Variants in NCAPH2 observed in about 807,000 individuals in gnomAD.
NCAPH2 encodes the protein non-SMC condensin II complex subunit H2.
Under a neutral mutation model 88.6 loss-of-function variants are expected in NCAPH2, and 56 were observed. That is an observed-to-expected ratio of 0.63 (90% confidence interval 0.51 to 0.79). NCAPH2 has a LOEUF of 0.79. Ranked by LOEUF, NCAPH2 falls within the 30% of genes least tolerant of loss-of-function variation. NCAPH2 has a pLI of 0.00. For missense variants in NCAPH2, 794 were observed against 792.0 expected (o/e 1.00, Z -0.03); for synonymous variants, 378 against 313.6 (o/e 1.21, Z -2.17).
At chr22:50,522,785 C>T (rs754809948) in intron 17 of NCAPH2, 36 bp from the exon 18 acceptor site, 17 of 1,612,508 alleles carry the variant, frequency 1.1e-5, no homozygotes, top group Non-Finnish European at 1.4e-5. Context: ...CAGGCCCCTG[C>T]TTGGGAGGCA....
chr22:50,517,136 A>G (rs935071592), intron 2 of NCAPH2, among the ~76,000 whole-genome samples: 20 of 152,220 alleles, frequency 1.3e-4, no homozygotes, highest in African/African-American at 4.6e-4. Context: ...GATGAGGCAC[A>G]CTGTGGGAAC....
chr22:50,519,971 C>T (rs2069040844), intron 9 of NCAPH2, among the ~76,000 whole-genome samples: 1 of 151,952 alleles, frequency 6.6e-6, no homozygotes, highest in South Asian at 2.1e-4. Context: ...CCCGGGTTCA[C>T]GCCATTCTCC....
Position 50,524,744 on chromosome 22 carries a change from C to T in NCAPH2, c.*1369C>T, listed in dbSNP as rs1002867388. The T allele has an allele frequency of 9.3e-6, 5 of 536,430 alleles. No individual in the cohort carries two copies. Among genetic ancestry groups the T allele is most frequent in the Non-Finnish European group, 1.8e-5 (5 of 272,328 alleles). The allele number at this position is 536,430 out of a possible 1,614,324, so 33.2% of individuals were successfully genotyped here. A position where few individuals can be genotyped will look rare whatever the true frequency, so the allele number is the denominator to read the frequency against. ...GTGCATGCCTTGCCTGAACTAACCA[C>T]GTTATCTATTTGCAATAAACCCATT... On this transcript the variant is annotated 3_prime_UTR_variant, in exon 20 of 20. Transcript: ENST00000420993.
rs929467108 is a variant in NCAPH2 at position 50,523,494 on chromosome 22, T to G, written c.*119T>G. 3.3e-6 allele frequency: 5 copies of G among 1,537,548 alleles called. No individual in the cohort carries two copies. The South Asian group carries it at 5.9e-5, about 18-fold the overall frequency. ...CTCATCTTCCCCCTAAAAACCCTTT[T>G]ATGTACACCTGCGCAGAGAAGAGGG... On this transcript the variant is annotated 3_prime_UTR_variant, in exon 20 of 20. Coordinates refer to ENST00000420993, the MANE Select transcript of NCAPH2 (RefSeq NM_152299.4).
chr22:50,508,713 T>C (rs2148653055), intron 1 of NCAPH2, among the ~76,000 whole-genome samples: 1 of 152,372 alleles, frequency 6.6e-6, no homozygotes, highest in East Asian at 1.9e-4. Flanking sequence ...TGACCAGCCG[T>C]TTCTCTAACG....
At chr22:50,519,421 G>C (rs2148664086) in intron 9 of NCAPH2, 101 bp downstream of exon 9, 1 of 1,510,144 alleles carries the variant, frequency 6.6e-7, no homozygotes, top group Non-Finnish European at 8.8e-7. Context: ...GTATGGCCTT[G>C]GCCCCAGACC....
chr22:50,511,276 C>T (rs1462147489), intron 1 of NCAPH2, among the ~76,000 whole-genome samples: 12 of 147,596 alleles, frequency 8.1e-5, no homozygotes, highest in Non-Finnish European at 1.3e-4. Flanking sequence ...AGTTCTCCTG[C>T]CTCAGCCTCT....
At chr22:50,515,471 A>G (rs2068889653) in intron 1 of NCAPH2, among the ~76,000 whole-genome samples, 2 of 152,182 alleles carry the variant, frequency 1.3e-5, no homozygotes, top group African/African-American at 4.8e-5. Flanking sequence ...ATCTCGGCTC[A>G]CTGCAAGCTC....
chr22:50,522,159 C>T, intron 13 of NCAPH2, 22 bp from the exon 14 acceptor site: 2 of 1,611,880 alleles, frequency 1.2e-6, no homozygotes, highest in South Asian at 1.1e-5. Flanking sequence ...CGAGGGAGCC[C>T]TCACAAGGCC....
chr22:50,511,803 G>A (rs775759595), intron 1 of NCAPH2, among the ~76,000 whole-genome samples: 78 of 151,338 alleles, frequency 5.2e-4, no homozygotes, highest in Admixed American at 1.1e-3. Context: ...CCGCCACCAC[G>A]CCTGGCTAAT....
chr22:50,519,993 C>G (rs912989224), intron 9 of NCAPH2, among the ~76,000 whole-genome samples: 4 of 152,124 alleles, frequency 2.6e-5, no homozygotes, highest in African/African-American at 9.7e-5. Context: ...CCCTCAGCCT[C>G]CCAAGTAGCT....
chr22:50,522,826 C>T lies in NCAPH2; in HGVS notation c.1431C>T (p.Leu477=), dbSNP rs1451725501. Residue 477 remains leucine, a synonymous_variant, in exon 18 of 20, where the codon CTC becomes CTT. Transcript: ENST00000420993. The part of the protein sequence containing the change: ...YEELVRRNVE[L]FIATSQKFVQ... The stretch of plus-strand genomic sequence containing the variant: ...TCCTGCTGATCCTCCCCTAGGAGCT[C>T]TTCATCGCCACCTCCCAGAAGTTTG... The T allele has an allele frequency of 3.1e-6, 5 of 1,613,050 alleles. No individual in the cohort carries two copies. The highest frequency in any genetic ancestry group is 1.7e-5 in the Admixed American group (1 of 59,984).
intron 2 of NCAPH2, among the ~76,000 whole-genome samples, chr22:50,517,007 G>A (rs1376269466): frequency 6.6e-6 from 1 of 152,246 alleles, no homozygotes; most frequent in Non-Finnish European, 1.5e-5. Context: ...GCAGGGCCAG[G>A]ACAGGAGGAG....
Position 50,518,694 on chromosome 22 carries a change from G to A in NCAPH2, c.692G>A (p.Arg231Lys). The A allele has an allele frequency of 6.2e-7, 1 of 1,609,688 alleles. No homozygotes were observed. The highest frequency in any genetic ancestry group is 8.5e-7 in the Non-Finnish European group (1 of 1,178,872). The change falls in exon 8 of 20, where the codon AGG becomes AAG. Residue 231 changes from arginine to lysine, a missense_variant. Around this residue, in one of 2 missense-constraint regions of NCAPH2, gnomAD observed 735 missense variants for 696.3 expected, o/e 1.06. Transcript: ENST00000420993. ...CAGCCAATGGAAGTTTCCGTGTGCA[G>A]GAGCCCTGTCCCAGCACTCGGCTTC... ...EEQPMEVSVC[R>K]SPVPALGFSQ...
At position 50,508,298 on chromosome 22, in the gene NCAPH2, G is replaced by A. The variant is rs1194407624; in HGVS notation, c.-40G>A. 8.4e-6 allele frequency: 12 copies of A among 1,423,538 alleles called. No homozygotes were observed. The highest frequency in any genetic ancestry group is 8.4e-6 in the Non-Finnish European group (9 of 1,077,128). The allele number at this position is 1,423,538 out of a possible 1,614,324, so 88.2% of individuals were successfully genotyped here. ...CTGAGGACGCCGTACCCCTCGGAAG[G>A]CAGCCCTGCGGTCCCTTTGCCGCCC... On this transcript the variant is annotated 5_prime_UTR_variant, in exon 1 of 20. Coordinates refer to ENST00000420993, the MANE Select transcript of NCAPH2 (RefSeq NM_152299.4).
intron 5 of NCAPH2, 66 bp from the exon 6 acceptor site, chr22:50,517,907 A>C: frequency 6.2e-7 from 1 of 1,603,322 alleles, no homozygotes; most frequent in Non-Finnish European, 8.5e-7. Flanking sequence ...TCATTGCCCC[A>C]TGTGGGTCCT....
rs780824645 is a variant in NCAPH2, at chr22:50,524,181, GGCCA to G, written c.*812_*815del. ...GCAGCCTCTCCTTCTCAGCCCTCAG[GGCCA>G]GCCAGGCCCCACCGAGTCCAGCCCC... On this transcript the variant is annotated 3_prime_UTR_variant, in exon 20 of 20. Transcript: ENST00000420993. The G allele has an allele frequency of 1.4e-5, 22 of 1,609,276 alleles. No individual in the cohort carries two copies. Among genetic ancestry groups the G allele is most frequent in the Non-Finnish European group, 5.1e-6 (6 of 1,179,950 alleles).
At position 50,516,418 on chromosome 22, in the gene NCAPH2, T is replaced by G. The variant is rs767491458; in HGVS notation, c.109-29T>G. The G allele has an allele frequency of 2.5e-6, 4 of 1,607,486 alleles. No homozygotes were observed. The Admixed American group carries it at 6.7e-5, about 27-fold the overall frequency. On this transcript the variant is annotated intron_variant, in intron 1 of 19. Coordinates refer to ENST00000420993, the MANE Select transcript of NCAPH2 (RefSeq NM_152299.4). ...AGCGAGTGCAGACTGGGCCTTGGAT[T>G]CCCCCTGTCTTTGTGTTGTTTCTTG...
intron 1 of NCAPH2, among the ~76,000 whole-genome samples, chr22:50,513,730 C>G (rs2068846252): frequency 6.6e-6 from 1 of 152,150 alleles, no homozygotes; most frequent in Non-Finnish European, 1.5e-5. Flanking sequence ...CCACTGCACT[C>G]CAGCCTGGAC....
Sources: allele counts gnomAD v4.1 joint callset (sites outside exome capture counted in the v4.1 genomes callset), GRCh38; gene constraint gnomAD v4.1.1; regional missense constraint gnomAD v4.1.1; transcripts MANE v1.5; gene names NCBI Gene and HGNC (gene_info 2026-07-23, HGNC 2026-07-21).